The following CSMD1 variants were observed in gnomAD, a reference collection of about 807,000 sequenced individuals.
CSMD1 encodes CUB and sushi domain-containing protein 1.
In CSMD1, 213 loss-of-function variants were observed where a neutral mutation model predicts 417.5. The observed-to-expected ratio is 0.51, with a 90% CI of 0.46 to 0.57. CSMD1 has a LOEUF of 0.57. Ranked by LOEUF, CSMD1 falls within the 20% of genes least tolerant of loss-of-function variation. CSMD1 has a pLI of 0.00. For missense variants in CSMD1, 6,923 were observed against 4,529.7 expected (o/e 1.53, Z -15.17); for synonymous variants, 2,862 against 1,736.8 (o/e 1.65, Z -16.11).
intron 5 of CSMD1, among the ~76,000 whole-genome samples, chr8:3,800,690 T>A (rs948723668): frequency 6.6e-6 from 1 of 152,038 alleles, no homozygotes; most frequent in South Asian, 2.1e-4. Context: ...TGGGAGTGAG[T>A]GAGTTCTTGT....
At chr8:4,210,528 T>C (rs1269987723) in intron 3 of CSMD1, among the ~76,000 whole-genome samples, 2 of 152,184 alleles carry the variant, frequency 1.3e-5, no homozygotes, top group Non-Finnish European at 2.9e-5. Context: ...GTGAAATTGG[T>C]TCATCTTTGA....
chr8:3,632,590 G>A (rs1420863489), intron 7 of CSMD1, among the ~76,000 whole-genome samples: 1 of 151,972 alleles, frequency 6.6e-6, no homozygotes, highest in Non-Finnish European at 1.5e-5. Context: ...TGATGATTCT[G>A]GATTTACTAC....
chr8:3,253,802 C>T (rs1800450165), intron 26 of CSMD1, among the ~76,000 whole-genome samples: 1 of 152,148 alleles, frequency 6.6e-6, no homozygotes, highest in African/African-American at 2.4e-5. Context: ...GAATACAGCA[C>T]ACTGTAGGGT....
At chr8:4,317,553 T>G (rs905237310) in intron 3 of CSMD1, among the ~76,000 whole-genome samples, 2 of 152,108 alleles carry the variant, frequency 1.3e-5, no homozygotes, top group African/African-American at 4.8e-5. Context: ...AGAGATAGAT[T>G]TAAAGTGTCC....
chr8:4,087,217 G>A (rs900448867), intron 3 of CSMD1, among the ~76,000 whole-genome samples: 2 of 152,110 alleles, frequency 1.3e-5, no homozygotes, highest in Admixed American at 1.3e-4. Context: ...CTAGCTCTGA[G>A]CTCCCAAGGA....
At position 4,748,267 on chromosome 8, in the gene CSMD1, A is replaced by C. The variant is rs187470231; in HGVS notation, c.86-110709T>G. Among the ~76,000 whole-genome samples, 3 of 152,372 alleles carry C rather than the reference A, an allele frequency of 2.0e-5. No individual in the cohort carries two copies. The East Asian group carries it at 5.8e-4, about 29-fold the overall frequency. On this transcript the variant is annotated intron_variant, in intron 1 of 69. Coordinates refer to ENST00000635120, the MANE Select transcript of CSMD1 (RefSeq NM_033225.6). ...AAGCAACCGATTACAATCTTTAGAA[A>C]GCACACAAGCAAATCATCATCCTTT...
intron 3 of CSMD1, among the ~76,000 whole-genome samples, chr8:4,418,623 G>C (rs531495491): frequency 2.0e-5 from 3 of 152,226 alleles, no homozygotes; most frequent in East Asian, 1.9e-4. Context: ...AGCTGGTATG[G>C]ATTGCTTTAG....
rs115991247 is a variant in CSMD1 at position 2,966,724 on chromosome 8, G to C, written c.8946C>G (p.Gly2982=). Residue 2982 remains glycine (G), a synonymous_variant, in exon 58 of 70, where the codon GGC becomes GGG. Transcript: ENST00000635120. ...VCEAVSCGNP[G]TPTNGMIVSS... Reference sequence around the variant, plus strand: ...TGACAATCATTCCGTTGGTGGGTGTGCCAGGGTTGCCACAGGACACGGCTG... The same window carrying C: ...TGACAATCATTCCGTTGGTGGGTGTCCCAGGGTTGCCACAGGACACGGCTG... The C allele has an allele frequency of 1.1e-3, 1,739 of 1,613,540 alleles. 12 individuals are homozygous for C. The African/African-American group carries it at 0.019, about 18-fold the overall frequency.
rs373741803 is a variant in CSMD1, at chr8:3,895,779, G to A, written c.818+102124C>T. Among the ~76,000 whole-genome samples the A allele has an allele frequency of 3.7e-4, 56 of 151,990 alleles. 2 individuals are homozygous for A. In the East Asian group the frequency reaches 5.2e-3, roughly 14 times the overall value. ...CAGTCATTTAAGAAATATTTCCTAC[G>A]GTCATAACTCTTCACACTCCAGTTG... On this transcript the variant is annotated intron_variant, in intron 5 of 69. Transcript: ENST00000635120.
At chr8:3,297,512 A>G (rs1804054951) in intron 25 of CSMD1, among the ~76,000 whole-genome samples, 1 of 152,214 alleles carries the variant, frequency 6.6e-6, no homozygotes, top group Non-Finnish European at 1.5e-5. Flanking sequence ...ACAGATCTGC[A>G]TAGATCTAGT....
intron 3 of CSMD1, among the ~76,000 whole-genome samples, chr8:4,262,359 G>C (rs565203403): frequency 1.3e-5 from 2 of 152,270 alleles, no homozygotes; most frequent in East Asian, 1.9e-4. Flanking sequence ...GGATTCCCAG[G>C]ACACATAAGC....
At chr8:4,539,746 T>C (rs547238400) in intron 2 of CSMD1, among the ~76,000 whole-genome samples, 1 of 152,342 alleles carries the variant, frequency 6.6e-6, no homozygotes, top group East Asian at 1.9e-4. Flanking sequence ...ACAAAATGTT[T>C]TATCTTTAGT....
At chr8:4,090,231 T>G (rs1800644543) in intron 3 of CSMD1, among the ~76,000 whole-genome samples, 1 of 152,212 alleles carries the variant, frequency 6.6e-6, no homozygotes, top group Non-Finnish European at 1.5e-5. Flanking sequence ...TTGGCTTGTT[T>G]TTGAGAAGTT....
intron 1 of CSMD1, among the ~76,000 whole-genome samples, chr8:4,763,465 G>A (rs1422076821): frequency 6.6e-6 from 1 of 152,140 alleles, no homozygotes; most frequent in African/African-American, 2.4e-5. Context: ...ATAGTGACAT[G>A]ATGAGAGCTC....
At chr8:3,492,608 C>G (rs73658128) in intron 11 of CSMD1, among the ~76,000 whole-genome samples, 127 of 152,292 alleles carry the variant, frequency 8.3e-4, no homozygotes, top group African/African-American at 2.8e-3. Flanking sequence ...TCCTAATTTT[C>G]ATAAACCAGG....
chr8:4,730,685 G>T (rs1204600813), intron 1 of CSMD1, among the ~76,000 whole-genome samples: 1 of 152,068 alleles, frequency 6.6e-6, no homozygotes, highest in Non-Finnish European at 1.5e-5. Flanking sequence ...AGCTTGCAGT[G>T]AGGAGAGATC....
chr8:4,375,441 C>T (rs11775921), intron 3 of CSMD1, among the ~76,000 whole-genome samples: 29,377 of 152,028 alleles, frequency 0.19, 2,999 homozygotes, highest in Middle Eastern at 0.28. Flanking sequence ...CCCAGGAAAC[C>T]AGAGCTGTCC....
intron 21 of CSMD1, among the ~76,000 whole-genome samples, chr8:3,354,615 A>T (rs554839194): frequency 6.6e-6 from 1 of 152,110 alleles, no homozygotes; most frequent in African/African-American, 2.4e-5. Context: ...AAATGGTACT[A>T]TTTTTAGCCC....
intron 1 of CSMD1, among the ~76,000 whole-genome samples, chr8:4,936,762 A>G (rs768262122): frequency 2.0e-5 from 3 of 152,208 alleles, no homozygotes; most frequent in East Asian, 1.9e-4. Context: ...GGAATTGTCT[A>G]TATGTGTTGT....
Sources: allele counts gnomAD v4.1 joint callset (sites outside exome capture counted in the v4.1 genomes callset), GRCh38; gene constraint gnomAD v4.1.1; transcripts MANE v1.5; gene names NCBI Gene and HGNC (gene_info 2026-07-23, HGNC 2026-07-21).